Variants in WDPCP observed in about 807,000 individuals in gnomAD.
The protein encoded by WDPCP is WD repeat containing planar cell polarity effector.
In WDPCP, 71 loss-of-function variants were observed where a neutral mutation model predicts 93.1. That is an observed-to-expected ratio of 0.76 (90% CI 0.63 to 0.93). WDPCP has a LOEUF of 0.93. Among genes scored for constraint, WDPCP ranks in the 40% least tolerant of loss-of-function variants. The probability of loss-of-function intolerance (pLI) is 0.00; values close to 1 mark genes in which losing one functional copy is unlikely to be tolerated. For synonymous variants in WDPCP, 315 were observed against 315.0 expected (o/e 1.00, Z 0.00); for missense variants, 844 against 887.4 (o/e 0.95, Z 0.62).
At chr2:63,328,997 A>C (rs1187883971) in intron 12 of WDPCP, among the ~76,000 whole-genome samples, 1 of 152,182 alleles carries the variant, frequency 6.6e-6, no homozygotes, top group Non-Finnish European at 1.5e-5. Context: ...AAAGTGCTAC[A>C]GGCGTGAGCC....
At chr2:63,812,911 T>G (rs1670882742) in intron 2 of WDPCP, among the ~76,000 whole-genome samples, 2 of 151,684 alleles carry the variant, frequency 1.3e-5, no homozygotes, top group East Asian at 3.9e-4. Context: ...AGAGTCTCAC[T>G]CTGGTGCCCA....
intron 10 of WDPCP, among the ~76,000 whole-genome samples, chr2:63,383,869 C>T (rs1427057304): frequency 6.6e-6 from 1 of 152,076 alleles, no homozygotes; most frequent in African/African-American, 2.4e-5. Flanking sequence ...CTGCACCCAA[C>T]CACAGTAAAA....
At chr2:63,749,573 T>C (rs903031788) in intron 2 of WDPCP, among the ~76,000 whole-genome samples, 2 of 152,126 alleles carry the variant, frequency 1.3e-5, no homozygotes, top group Non-Finnish European at 2.9e-5. Context: ...TTGTCTTAGA[T>C]GATTTTGCCC....
At chr2:63,197,726 T>A (rs1675556997) in intron 14 of WDPCP, among the ~76,000 whole-genome samples, 1 of 152,188 alleles carries the variant, frequency 6.6e-6, no homozygotes, top group Non-Finnish European at 1.5e-5. Flanking sequence ...ACATGCAATA[T>A]TTGTCTTTCT....
chr2:63,322,834 C>G (rs1687226658), intron 12 of WDPCP, among the ~76,000 whole-genome samples: 1 of 152,096 alleles, frequency 6.6e-6, no homozygotes, highest in African/African-American at 2.4e-5. Flanking sequence ...GTGGTGAGTA[C>G]CATCGGACCC....
intron 3 of WDPCP, chr2:63,622,469 G>A (rs879161270): frequency 2.1e-5 from 34 of 1,613,812 alleles, no homozygotes; most frequent in South Asian, 1.8e-4. Context: ...CAGTCCAGCC[G>A]CTGTTGTCAG....
chr2:63,764,503 A>G (rs767316521), intron 2 of WDPCP, among the ~76,000 whole-genome samples: 9 of 152,190 alleles, frequency 5.9e-5, no homozygotes, highest in Non-Finnish European at 1.2e-4. Flanking sequence ...TTTTAAGTGT[A>G]TTTAAGGTTT....
chr2:63,416,802 G>A (rs966251080), intron 9 of WDPCP, among the ~76,000 whole-genome samples: 6 of 152,188 alleles, frequency 3.9e-5, no homozygotes, highest in Non-Finnish European at 8.8e-5. Context: ...GATTACAGGT[G>A]TAGGCCACCA....
At chr2:63,727,613 T>G (rs1669509867) in intron 2 of WDPCP, among the ~76,000 whole-genome samples, 1 of 152,234 alleles carries the variant, frequency 6.6e-6, no homozygotes, top group African/African-American at 2.4e-5. Flanking sequence ...CTGAATAGTT[T>G]CAGTGGTATT....
chr2:63,778,489 G>GAGCCACTGTGCCC (rs1260910595), intron 2 of WDPCP, among the ~76,000 whole-genome samples: 4 of 151,830 alleles, frequency 2.6e-5, no homozygotes, highest in Non-Finnish European at 4.4e-5. Flanking sequence ...TTACAGGCGT[G>GAGCCACTGTGCCC]AGCCACTGTG....
chr2:63,315,958 T>C (rs1686604482), intron 12 of WDPCP, among the ~76,000 whole-genome samples: 1 of 151,858 alleles, frequency 6.6e-6, no homozygotes, highest in Admixed American at 6.6e-5. Flanking sequence ...AAATGAGGTC[T>C]CATTATGTTG....
At chr2:63,444,730 T>A (rs1697733162) in intron 6 of WDPCP, among the ~76,000 whole-genome samples, 1 of 152,132 alleles carries the variant, frequency 6.6e-6, no homozygotes, top group Admixed American at 6.6e-5. Context: ...CAGTGGTATC[T>A]CCCAACACTG....
rs563316726 is a variant in WDPCP at position 63,126,979 on chromosome 2, G to C, written c.2191-4923C>G. ...ATTACAGGCGTAAGTCACCATGCCT[G>C]GCCTGCAACTTTTAATTGACTTTTG... On this transcript the variant is annotated intron_variant, in intron 17 of 17. Coordinates refer to ENST00000272321, the MANE Select transcript of WDPCP (RefSeq NM_015910.7). Among the ~76,000 whole-genome samples, 5 of 151,856 alleles carry C rather than the reference G, an allele frequency of 3.3e-5. No homozygotes were observed. In the Middle Eastern group the frequency reaches 0.01, roughly 310 times the overall value.
chr2:63,658,310 T>A (rs970037314), intron 2 of WDPCP, among the ~76,000 whole-genome samples: 11 of 152,230 alleles, frequency 7.2e-5, no homozygotes, highest in African/African-American at 2.7e-4. Flanking sequence ...AATCTCTGTC[T>A]AATGTCAAAA....
chr2:63,527,193 G>C (rs1294739854), intron 1 of WDPCP, among the ~76,000 whole-genome samples: 1 of 148,062 alleles, frequency 6.8e-6, no homozygotes, highest in Non-Finnish European at 1.5e-5. Context: ...AATCAAGCTA[G>C]TTTACTAACA....
At chr2:63,131,833 CTTT>C (rs55670342) in intron 17 of WDPCP, among the ~76,000 whole-genome samples, 3 of 107,718 alleles carry the variant, frequency 2.8e-5, no homozygotes, top group Non-Finnish European at 3.8e-5. Context: ...ATACAGTATT[CTTT>C]TTTTTTTTTT....
At chr2:63,527,964 T>A (rs1355368507) in intron 1 of WDPCP, among the ~76,000 whole-genome samples, 1 of 152,108 alleles carries the variant, frequency 6.6e-6, no homozygotes, top group Admixed American at 6.5e-5. Flanking sequence ...ATTTCTCTGA[T>A]GGCCAGTGAC....
chr2:63,622,071 T>C lies in WDPCP; in HGVS notation n.488+28588A>G, dbSNP rs971694896. 5.8e-5 allele frequency: 55 copies of C among 953,924 alleles called. 2 individuals are homozygous for C. The highest frequency in any genetic ancestry group is 5.2e-4 in the East Asian group (15 of 29,068). The allele number at this position is 953,924 out of a possible 1,614,324, so 59.1% of individuals were successfully genotyped here. A position where few individuals can be genotyped will look rare whatever the true frequency, so the allele number is the denominator to read the frequency against. On this transcript the variant is annotated intron_variant and non_coding_transcript_variant, in intron 3 of 4. Coordinates refer to the WDPCP transcript ENST00000467687. Reference sequence around the variant, plus strand: ...CTCAACATTCTTTCTTTTTTCTTTTTTTTTTTTTTTTTTGGAAGTTGATTT... The same window carrying C: ...CTCAACATTCTTTCTTTTTTCTTTTCTTTTTTTTTTTTTGGAAGTTGATTT...
chr2:63,374,051 GATT>G (rs1691635577), intron 12 of WDPCP, among the ~76,000 whole-genome samples: 1 of 124,564 alleles, frequency 8.0e-6, no homozygotes, highest in Non-Finnish European at 1.7e-5. Flanking sequence ...ACAAGTTTAT[GATT>G]TTTTTTTTTT....
Sources: gnomAD v4.1 joint callset for allele counts (sites outside exome capture counted in the v4.1 genomes callset) on GRCh38, gnomAD v4.1.1 for gene constraint, MANE v1.5 for transcripts, NCBI Gene and HGNC (gene_info 2026-07-23, HGNC 2026-07-21) for gene names.